ELMO1: variants seen among roughly 807,000 people sequenced by gnomAD.
ELMO1 encodes the protein engulfment and cell motility protein 1.
In ELMO1, 26 loss-of-function variants were observed where a neutral mutation model predicts 98.9. That is an observed-to-expected ratio of 0.26 (90% CI 0.19 to 0.36). The LOEUF (loss-of-function observed/expected upper bound fraction) is 0.36. Ranked by LOEUF, ELMO1 falls within the 10% of genes least tolerant of loss-of-function variation. The probability of loss-of-function intolerance (pLI) is 1.00; values close to 1 mark genes in which losing one functional copy is unlikely to be tolerated. For synonymous variants in ELMO1, 346 were observed against 346.0 expected (o/e 1.00, Z 0.00); for missense variants, 627 against 935.2 (o/e 0.67, Z 4.30).
At chr7:37,050,389 C>G (rs1313329395) in intron 15 of ELMO1, among the ~76,000 whole-genome samples, 1 of 152,086 alleles carries the variant, frequency 6.6e-6, no homozygotes, top group East Asian at 1.9e-4. Context: ...CGTGAGCCAC[C>G]ATGCCTGGCC....
intron 16 of ELMO1, among the ~76,000 whole-genome samples, chr7:37,012,855 C>T (rs73342278): frequency 1.4e-3 from 216 of 152,262 alleles, no homozygotes; most frequent in African/African-American, 4.8e-3. Flanking sequence ...ACAACACATC[C>T]ATAATCCACA....
intron 13 of ELMO1, among the ~76,000 whole-genome samples, chr7:37,143,514 C>T (rs1787775547): frequency 6.6e-6 from 1 of 151,766 alleles, no homozygotes; most frequent in Admixed American, 6.6e-5. Flanking sequence ...TCAAGCGATT[C>T]TCTTGCCTCA....
At chr7:37,130,905 T>C (rs975214821) in intron 14 of ELMO1, among the ~76,000 whole-genome samples, 1 of 152,156 alleles carries the variant, frequency 6.6e-6, no homozygotes, top group African/African-American at 2.4e-5. Context: ...ACTGCATTCA[T>C]AGAGAAGATA....
chr7:37,399,092 C>T (rs1443229283), intron 1 of ELMO1, among the ~76,000 whole-genome samples: 1 of 152,162 alleles, frequency 6.6e-6, no homozygotes, highest in East Asian at 1.9e-4. Flanking sequence ...CCTTCCCATC[C>T]AGGAGCCACC....
intron 2 of ELMO1, among the ~76,000 whole-genome samples, chr7:37,319,003 G>A (rs1390211980): frequency 6.6e-6 from 1 of 151,970 alleles, no homozygotes; most frequent in Non-Finnish European, 1.5e-5. Flanking sequence ...TCTTTTACCT[G>A]TAGCTCTCTA....
intron 1 of ELMO1, among the ~76,000 whole-genome samples, chr7:37,411,557 A>G (rs986285129): frequency 2.3e-4 from 35 of 152,286 alleles, no homozygotes; most frequent in African/African-American, 7.9e-4. Flanking sequence ...TCTCTATTGT[A>G]TTAGAGGGTC....
intron 6 of ELMO1, among the ~76,000 whole-genome samples, chr7:37,247,843 A>AT (rs1795093983): frequency 6.6e-6 from 1 of 150,710 alleles, no homozygotes; most frequent in South Asian, 2.1e-4. Context: ...GCAAGAGGGG[A>AT]TTTTCTGCTC....
chr7:37,099,253 G>C (rs1434696363), intron 14 of ELMO1, among the ~76,000 whole-genome samples: 1 of 152,166 alleles, frequency 6.6e-6, no homozygotes, highest in Non-Finnish European at 1.5e-5. Flanking sequence ...AAAGCTACTT[G>C]TGTAACTTTT....
At chr7:37,346,663 G>T (rs1380947203) in intron 1 of ELMO1, among the ~76,000 whole-genome samples, 1 of 152,172 alleles carries the variant, frequency 6.6e-6, no homozygotes, top group Non-Finnish European at 1.5e-5. Context: ...GCTCTAATGT[G>T]CAAACAGATT....
At chr7:37,161,937 T>TATATA (rs1270129084) in intron 13 of ELMO1, among the ~76,000 whole-genome samples, 38 of 111,578 alleles carry the variant, frequency 3.4e-4, no homozygotes, top group South Asian at 6.0e-4. Flanking sequence ...TATATATATG[T>TATATA]TAAGCGTGAT....
At chr7:37,356,251 T>G (rs1308102560) in intron 1 of ELMO1, among the ~76,000 whole-genome samples, 1 of 152,224 alleles carries the variant, frequency 6.6e-6, no homozygotes, top group Non-Finnish European at 1.5e-5. Flanking sequence ...TGAACAGTGC[T>G]ACAATAAACA....
At chr7:37,254,366 C>G (rs1298061923) in intron 6 of ELMO1, among the ~76,000 whole-genome samples, 1 of 152,208 alleles carries the variant, frequency 6.6e-6, no homozygotes, top group Non-Finnish European at 1.5e-5. Flanking sequence ...CTGTATGTAT[C>G]AAACTGGGAC....
intron 7 of ELMO1, among the ~76,000 whole-genome samples, chr7:37,235,511 T>A (rs1226486607): frequency 2.0e-5 from 3 of 149,876 alleles, no homozygotes; most frequent in Non-Finnish European, 4.5e-5. Flanking sequence ...GTCAAAAAAA[T>A]TCCCATATAC....
intron 8 of ELMO1, among the ~76,000 whole-genome samples, chr7:37,227,783 T>C (rs1259018130): frequency 6.6e-6 from 1 of 152,214 alleles, no homozygotes; most frequent in Admixed American, 6.5e-5. Context: ...GTGGGCTTGC[T>C]CAATGGTGGT....
At chr7:37,092,102 C>T (rs2129250023) in intron 15 of ELMO1, among the ~76,000 whole-genome samples, 1 of 152,234 alleles carries the variant, frequency 6.6e-6, no homozygotes, top group East Asian at 1.9e-4. Context: ...GATATGTGAC[C>T]ACATCCAGGT....
chr7:37,125,511 A>T (rs1412960003), intron 14 of ELMO1, among the ~76,000 whole-genome samples: 2 of 152,256 alleles, frequency 1.3e-5, no homozygotes, highest in African/African-American at 4.8e-5. Flanking sequence ...GAAGACATTT[A>T]TGCAGCCAAC....
rs1419925977 is a variant in ELMO1, at chr7:36,857,647, C to T, written c.1984-1896G>A. On this transcript the variant is annotated intron_variant, in intron 21 of 21. Coordinates refer to ENST00000310758, the MANE Select transcript of ELMO1 (RefSeq NM_014800.11). ...AAATAAAAACCCTGTAGTACTGATA[C>T]TGAATTTGAGTTGGAACTATCAGTA... is the stretch of plus-strand genomic sequence containing the variant. 5.9e-5 allele frequency among the ~76,000 whole-genome samples: 9 copies of T among 152,150 alleles called. No homozygotes were observed. The East Asian group carries it at 1.5e-3, about 26-fold the overall frequency.
intron 16 of ELMO1, among the ~76,000 whole-genome samples, chr7:36,974,860 G>A (rs1047222798): frequency 1.6e-4 from 25 of 151,710 alleles, no homozygotes; most frequent in African/African-American, 5.1e-4. Context: ...TGAGCCCACC[G>A]GGAAGAATGA....
chr7:37,131,001 T>G (rs1786883287), intron 14 of ELMO1, among the ~76,000 whole-genome samples: 1 of 152,096 alleles, frequency 6.6e-6, no homozygotes, highest in South Asian at 2.1e-4. Context: ...ACCATTGAGC[T>G]CATGAATCAA....
Sources: allele counts gnomAD v4.1 joint callset (sites outside exome capture counted in the v4.1 genomes callset), GRCh38; gene constraint gnomAD v4.1.1; transcripts MANE v1.5; gene names NCBI Gene and HGNC (gene_info 2026-07-23, HGNC 2026-07-21).